Variants in MDGA2 observed in about 807,000 individuals in gnomAD.
The protein encoded by MDGA2 is MAM domain containing glycosylphosphatidylinositol anchor 2.
MDGA2 carries 40 observed loss-of-function variants against 117.8 expected under a neutral mutation model. The ratio of observed to expected loss-of-function variants is 0.34; its 90% confidence interval spans 0.26 to 0.44. The LOEUF is 0.44. Ranked by LOEUF, MDGA2 falls within the 20% of genes least tolerant of loss-of-function variation. MDGA2 has a pLI of 1.00. For missense variants in MDGA2, 1,123 were observed against 1,250.6 expected, an observed-to-expected ratio of 0.90 and a Z score of 1.54; for synonymous variants, 452 against 439.0, an observed-to-expected ratio of 1.03 and a Z score of -0.37.
intron 1 of MDGA2, among the ~76,000 whole-genome samples, chr14:47,568,953 C>CT (rs547050831): frequency 0.037 from 5,284 of 141,656 alleles, 283 homozygotes; most frequent in African/African-American, 0.12. Flanking sequence ...AAATTAATGT[C>CT]TTTTTTTTTT....
Position 46,884,461 on chromosome 14 carries a change from T to A in MDGA2, c.2239-2240A>T, listed in dbSNP as rs529657491. Among the ~76,000 whole-genome samples, 2 of 152,270 alleles carry A rather than the reference T, an allele frequency of 1.3e-5. No individual in the cohort carries two copies. The highest frequency in any genetic ancestry group is 3.9e-4 in the East Asian group (2 of 5,178). ...CACATAATATGCACATATGTTCACA[T>A]ATATGCACATACTATATGTTCATAA... On this transcript the variant is annotated intron_variant, in intron 10 of 16. Transcript: ENST00000399232. The surrounding 1 kb of genome is among the most constrained non-coding windows in gnomAD (Gnocchi z 4.1).
chr14:47,505,798 T>A (rs560661749), intron 1 of MDGA2, among the ~76,000 whole-genome samples: 1 of 152,316 alleles, frequency 6.6e-6, no homozygotes, highest in African/African-American at 2.4e-5. Context: ...GGTAAGACCT[T>A]CATGTGTTCG....
At chr14:46,912,800 C>T (rs1215207581) in intron 10 of MDGA2, among the ~76,000 whole-genome samples, 3 of 152,186 alleles carry the variant, frequency 2.0e-5, no homozygotes, top group Non-Finnish European at 4.4e-5. Context: ...GGGTCCATCC[C>T]TGACCCAGGT....
intron 3 of MDGA2, among the ~76,000 whole-genome samples, chr14:47,213,322 T>C (rs940598313): frequency 2.0e-5 from 3 of 152,168 alleles, no homozygotes; most frequent in Admixed American, 6.6e-5. Context: ...CCTAATTTTT[T>C]ACATGTGAGC....
chr14:47,389,209 T>G (rs1891833506), intron 1 of MDGA2, among the ~76,000 whole-genome samples: 1 of 152,166 alleles, frequency 6.6e-6, no homozygotes, highest in African/African-American at 2.4e-5. Context: ...TAGCTTTGAT[T>G]AACACAGTGT....
intron 8 of MDGA2, among the ~76,000 whole-genome samples, chr14:46,976,075 TA>T (rs1886447998): frequency 6.6e-6 from 1 of 152,106 alleles, no homozygotes; most frequent in Non-Finnish European, 1.5e-5. Flanking sequence ...AATGGAGAGT[TA>T]TTGTTTAATA....
At chr14:46,882,901 G>A (rs1441911531) in intron 10 of MDGA2, among the ~76,000 whole-genome samples, 2 of 151,818 alleles carry the variant, frequency 1.3e-5, no homozygotes, top group Admixed American at 1.3e-4. Flanking sequence ...AGATGGAAGC[G>A]ATGGTCTCCT....
In MDGA2 at chr14:47,022,561, A is replaced by G. The variant is rs527237407; in HGVS notation, c.1819+12450T>C. ...AAAGAAACAGGAAAAATGTCTCCGTATATTAGGAGTTGAAGACTGAAATTG... is the reference window on the plus strand; with the variant it reads ...AAAGAAACAGGAAAAATGTCTCCGTGTATTAGGAGTTGAAGACTGAAATTG... On this transcript the variant is annotated intron_variant, in intron 8 of 16. Transcript: ENST00000399232. 8.5e-5 allele frequency among the ~76,000 whole-genome samples: 13 copies of G among 152,330 alleles called. No homozygotes were observed. In the South Asian group the frequency reaches 2.3e-3, roughly 27 times the overall value.
chr14:47,404,898 C>T (rs1892229734), intron 1 of MDGA2, among the ~76,000 whole-genome samples: 2 of 152,108 alleles, frequency 1.3e-5, no homozygotes, highest in South Asian at 4.2e-4. Flanking sequence ...AATTTCTCAT[C>T]TTACCCCTAA....
At chr14:47,273,214 A>G (rs879782816) in intron 2 of MDGA2, among the ~76,000 whole-genome samples, 1 of 152,176 alleles carries the variant, frequency 6.6e-6, no homozygotes, top group Admixed American at 6.6e-5. Flanking sequence ...CATAATTTTG[A>G]ACATAAAATC....
intron 1 of MDGA2, among the ~76,000 whole-genome samples, chr14:47,481,827 G>GT (rs1002270583): frequency 9.2e-5 from 14 of 151,734 alleles, no homozygotes; most frequent in African/African-American, 3.4e-4. Context: ...AAAAAATGCA[G>GT]TTTTCACTAG....
intron 1 of MDGA2, among the ~76,000 whole-genome samples, chr14:47,542,065 A>C (rs1487265500): frequency 6.6e-6 from 1 of 152,228 alleles, no homozygotes; most frequent in Non-Finnish European, 1.5e-5. Context: ...AGAGACACAG[A>C]GAGAGAAAGA....
chr14:47,325,851 T>A (rs1890126455), intron 1 of MDGA2, among the ~76,000 whole-genome samples: 1 of 152,090 alleles, frequency 6.6e-6, no homozygotes, highest in African/African-American at 2.4e-5. Flanking sequence ...TGGTTTTAGA[T>A]AAAATTATAG....
intron 1 of MDGA2, among the ~76,000 whole-genome samples, chr14:47,461,474 AC>A (rs1778069766): frequency 6.6e-6 from 1 of 152,178 alleles, no homozygotes; most frequent in South Asian, 2.1e-4. Context: ...TCTTAGTTTT[AC>A]TAACAGAATA....
At position 46,932,906 on chromosome 14, in the gene MDGA2, T is replaced by G. The variant is rs151115813; in HGVS notation, c.2090-12746A>C. Among the ~76,000 whole-genome samples, 10 of 152,106 alleles carry G rather than the reference T, an allele frequency of 6.6e-5. No individual in the cohort carries two copies. In the East Asian group the frequency reaches 1.9e-3, roughly 29 times the overall value. ...TATATAAAAAGATTTCTAGAACTAA[T>G]AAGTTAGTTCAGTAAGGTTGTAAGC... On this transcript the variant is annotated intron_variant, in intron 9 of 16. Coordinates refer to ENST00000399232, the MANE Select transcript of MDGA2 (RefSeq NM_001113498.3).
chr14:47,464,071 G>T (rs948246686), intron 1 of MDGA2, among the ~76,000 whole-genome samples: 10 of 148,538 alleles, frequency 6.7e-5, no homozygotes, highest in African/African-American at 2.2e-4. Context: ...GGGTAGTTTA[G>T]CTTTAAAATT....
At chr14:47,053,654 T>TATACACACACAC (rs1889552982) in intron 7 of MDGA2, among the ~76,000 whole-genome samples, 1 of 67,262 alleles carries the variant, frequency 1.5e-5, no homozygotes, top group African/African-American at 5.4e-5. Flanking sequence ...TATATATATA[T>TATACACACACAC]ACACACACAC....
At chr14:47,148,523 C>T (rs376283863) in intron 3 of MDGA2, among the ~76,000 whole-genome samples, 1 of 152,108 alleles carries the variant, frequency 6.6e-6, no homozygotes, top group Non-Finnish European at 1.5e-5. Flanking sequence ...TGATGTAGTA[C>T]GTATGACCAG....
At chr14:47,226,640 G>A (rs529913827) in intron 2 of MDGA2, among the ~76,000 whole-genome samples, 4 of 152,182 alleles carry the variant, frequency 2.6e-5, no homozygotes, top group African/African-American at 9.6e-5. Flanking sequence ...ACATCTTGGT[G>A]CAAATGCTTA....
Sources: gnomAD v4.1 joint callset for allele counts (sites outside exome capture counted in the v4.1 genomes callset) on GRCh38, gnomAD v4.1.1 for gene constraint, Gnocchi (gnomAD v3.1) non-coding constraint, MANE v1.5 for transcripts, NCBI Gene and HGNC (gene_info 2026-07-23, HGNC 2026-07-21) for gene names.